The following ZPBP variants were observed in gnomAD, a reference collection of about 807,000 sequenced individuals.
ZPBP encodes the protein zona pellucida-binding protein 1.
ZPBP carries 26 observed loss-of-function variants against 44.8 expected under a neutral mutation model. The ratio of observed to expected loss-of-function variants is 0.58; its 90% CI spans 0.43 to 0.81. The LOEUF (loss-of-function observed/expected upper bound fraction) is 0.81. Among genes scored for constraint, ZPBP ranks in the 30% least tolerant of loss-of-function variants. The pLI is 0.00. For missense variants in ZPBP, 409 were observed against 434.0 expected (o/e 0.94, Z 0.51); for synonymous variants, 174 against 153.2 (o/e 1.14, Z -1.00).
intron 4 of ZPBP, among the ~76,000 whole-genome samples, chr7:50,048,025 C>G (rs1800474738): frequency 6.6e-6 from 1 of 152,112 alleles, no homozygotes; most frequent in Non-Finnish European, 1.5e-5. Context: ...GGGAGGGTAA[C>G]TGAGGGTGAA....
chr7:50,024,161 T>C (rs1389427264), intron 5 of ZPBP, among the ~76,000 whole-genome samples: 1 of 151,970 alleles, frequency 6.6e-6, no homozygotes, highest in Non-Finnish European at 1.5e-5. Flanking sequence ...ATAGATAATG[T>C]AGTGGTGACG....
At chr7:49,846,568 C>T (rs1309208172), downstream of ZPBP, among the ~76,000 whole-genome samples, 1 of 152,150 alleles carries the variant, frequency 6.6e-6, no homozygotes, top group Non-Finnish European at 1.5e-5. Context: ...TGTAGAAAGC[C>T]TTGTGGGCTA....
rs1028452966 is a variant in ZPBP, at chr7:49,995,367, T to G, written c.784-11848A>C. 2.0e-5 allele frequency among the ~76,000 whole-genome samples: 3 copies of G among 152,150 alleles called. No individual in the cohort carries two copies. In the East Asian group the frequency reaches 5.8e-4, roughly 29 times the overall value. On this transcript the variant is annotated intron_variant, in intron 6 of 7. Transcript: ENST00000046087. ...TTCTGGTGGGCCTTATGGACAGGGA[T>G]GGAAAAAAGGTATCTGTCAGATCAA...
At chr7:49,868,680 C>T (rs997320319) in intron 2 of ZPBP, among the ~76,000 whole-genome samples, 6 of 152,210 alleles carry the variant, frequency 3.9e-5, no homozygotes, top group Non-Finnish European at 4.4e-5. Flanking sequence ...TGCAATGGCA[C>T]GATCTTGGCT....
At chr7:49,932,133 G>C (rs1794468357) in intron 1 of ZPBP, among the ~76,000 whole-genome samples, 1 of 152,236 alleles carries the variant, frequency 6.6e-6, no homozygotes, top group Non-Finnish European at 1.5e-5. Flanking sequence ...CTCTGCTAAG[G>C]CAGTGTGGAA....
At chr7:50,046,723 G>A (rs1432709602) in intron 4 of ZPBP, among the ~76,000 whole-genome samples, 3 of 152,168 alleles carry the variant, frequency 2.0e-5, no homozygotes, top group African/African-American at 7.2e-5. Flanking sequence ...CAACCATTGT[G>A]GAAGACAGTG....
At chr7:49,865,192 G>A (rs1042868963) in intron 2 of ZPBP, among the ~76,000 whole-genome samples, 1 of 152,222 alleles carries the variant, frequency 6.6e-6, no homozygotes. Context: ...AGAATGTGCA[G>A]TTCAGTTGTT....
intron 6 of ZPBP, among the ~76,000 whole-genome samples, chr7:50,011,218 A>G (rs1798563363): frequency 6.6e-6 from 1 of 152,174 alleles, no homozygotes; most frequent in East Asian, 1.9e-4. Flanking sequence ...TCAACTCAAT[A>G]TGGATCAAAA....
At chr7:49,896,112 G>A (rs1397867675) in intron 2 of ZPBP, among the ~76,000 whole-genome samples, 2 of 152,188 alleles carry the variant, frequency 1.3e-5, no homozygotes, top group African/African-American at 4.8e-5. Flanking sequence ...AGGCCAAAGT[G>A]GGTGGATCAC....
At chr7:49,860,748 TAA>T (rs1790614834) in intron 2 of ZPBP, among the ~76,000 whole-genome samples, 1 of 152,166 alleles carries the variant, frequency 6.6e-6, no homozygotes, top group African/African-American at 2.4e-5. Flanking sequence ...AAGATGTAAT[TAA>T]GTTAAATGAG....
In ZPBP at chr7:49,877,475, A is replaced by AAATAAAAT. The variant is rs1554338213; in HGVS notation, n.509+23642_509+23643insATTTTATT. ...GAAACTCTGTCTCAAAAAAAAAAAAAAAAAAAATATATATATATATATATA... is the reference window on the plus strand; with the variant it reads ...GAAACTCTGTCTCAAAAAAAAAAAAAAATAAAATAAAAAAATATATATATATATATATA... On this transcript the variant is annotated intron_variant and non_coding_transcript_variant, in intron 2 of 2. Coordinates refer to the ZPBP transcript ENST00000465922. 1.7e-4 allele frequency among the ~76,000 whole-genome samples: 3 copies of AAATAAAAT among 18,008 alleles called. 1 individual carries two copies. Among genetic ancestry groups the AAATAAAAT allele is most frequent in the Non-Finnish European group, 3.1e-4 (3 of 9,832 alleles). The allele number at this position is 18,008 out of a possible 152,430, so 11.8% of individuals were successfully genotyped here.
At chr7:49,992,671 A>T (rs1269332311) in intron 6 of ZPBP, among the ~76,000 whole-genome samples, 1 of 152,166 alleles carries the variant, frequency 6.6e-6, no homozygotes, top group Non-Finnish European at 1.5e-5. Flanking sequence ...TTGAGATATG[A>T]TATAATTTAC....
intron 2 of ZPBP, among the ~76,000 whole-genome samples, chr7:49,887,177 T>C (rs148690032): frequency 2.0e-3 from 311 of 152,260 alleles, no homozygotes; most frequent in Admixed American, 5.8e-3. Flanking sequence ...GATTTGGATT[T>C]CCCCCCCAAT....
At chr7:49,875,448 A>G (rs1373433451) in intron 2 of ZPBP, among the ~76,000 whole-genome samples, 3 of 151,310 alleles carry the variant, frequency 2.0e-5, no homozygotes, top group Admixed American at 6.6e-5. Flanking sequence ...GAAAAAAAAA[A>G]GTATTTGAAG....
chr7:49,986,602 C>T (rs1025305003), intron 6 of ZPBP, among the ~76,000 whole-genome samples: 78 of 152,164 alleles, frequency 5.1e-4, no homozygotes, highest in African/African-American at 1.9e-3. Flanking sequence ...AGGTTCTTCC[C>T]TCAGTTAACA....
At chr7:50,071,116 C>T (rs1398525388) in intron 3 of ZPBP, among the ~76,000 whole-genome samples, 1 of 152,060 alleles carries the variant, frequency 6.6e-6, no homozygotes, top group South Asian at 2.1e-4. Flanking sequence ...TTTAAAAATC[C>T]AAAATCACCA....
Position 49,898,576 on chromosome 7 carries a change from A to G in ZPBP, n.509+2542T>C, listed in dbSNP as rs1156959126. On this transcript the variant is annotated intron_variant and non_coding_transcript_variant, in intron 2 of 2. Coordinates refer to the ZPBP transcript ENST00000465922. ...TTTTCTTACAACACATTACATATGTATATACACACACACATATCATAAGCA... is the reference window on the plus strand; with the variant it reads ...TTTTCTTACAACACATTACATATGTGTATACACACACACATATCATAAGCA... Among the ~76,000 whole-genome samples, 8 of 152,098 alleles carry G rather than the reference A, an allele frequency of 5.3e-5. No homozygotes were observed. In the East Asian group the frequency reaches 1.2e-3, roughly 22 times the overall value.
chr7:49,945,583 C>A (rs1193191024), intron 7 of ZPBP, among the ~76,000 whole-genome samples: 1 of 151,952 alleles, frequency 6.6e-6, no homozygotes, highest in African/African-American at 2.4e-5. Flanking sequence ...GAATTGATTT[C>A]TTTATTCAAT....
intron 2 of ZPBP, among the ~76,000 whole-genome samples, chr7:49,852,127 G>A (rs952870562): frequency 3.9e-5 from 6 of 152,232 alleles, no homozygotes; most frequent in Non-Finnish European, 5.9e-5. Flanking sequence ...TCTGCTTTCT[G>A]GAGAGTCGGT....
Sources: allele counts gnomAD v4.1 joint callset (sites outside exome capture counted in the v4.1 genomes callset), GRCh38; gene constraint gnomAD v4.1.1; transcripts MANE v1.5; gene names NCBI Gene and HGNC (gene_info 2026-07-23, HGNC 2026-07-21).